RBM46: variants seen among roughly 807,000 people sequenced by gnomAD.
RBM46 encodes the protein RNA binding motif protein 46.
Under a neutral mutation model 43.3 loss-of-function variants are expected in RBM46, and 12 were observed. The observed-to-expected ratio is 0.28, with a 90% CI of 0.18 to 0.45. RBM46 has a LOEUF of 0.45. Ranked by LOEUF, RBM46 falls within the 20% of genes least tolerant of loss-of-function variation. The pLI is 1.00. For synonymous variants in RBM46, 205 were observed against 207.6 expected (o/e 0.99, Z 0.11); for missense variants, 412 against 639.1 (o/e 0.64, Z 3.83).
chr4:154,812,649 G>C (rs1015796038), intron 4 of RBM46, among the ~76,000 whole-genome samples: 10 of 152,132 alleles, frequency 6.6e-5, no homozygotes. Context: ...GTCCGAATAG[G>C]TTTATGCTTT....
intron 1 of RBM46, among the ~76,000 whole-genome samples, chr4:154,792,305 A>G (rs1206796049): frequency 6.6e-6 from 1 of 152,230 alleles, no homozygotes; most frequent in Non-Finnish European, 1.5e-5. Context: ...GTGGTATTTA[A>G]TATGCTAAAT....
chr4:154,781,637 C>T (rs1311958123), intron 1 of RBM46: 2 of 152,330 alleles, frequency 1.3e-5, no homozygotes, highest in Non-Finnish European at 2.9e-5. Context: ...AGCATCCGGC[C>T]AGAAGGCGCC....
chr4:154,802,688 G>A (rs1362170942), intron 4 of RBM46, among the ~76,000 whole-genome samples: 2 of 152,104 alleles, frequency 1.3e-5, no homozygotes, highest in African/African-American at 4.8e-5. Flanking sequence ...TACCTATTAA[G>A]TCATCTTTTG....
chr4:154,813,731 G>A (rs1001387535), intron 4 of RBM46, among the ~76,000 whole-genome samples: 1 of 151,852 alleles, frequency 6.6e-6, no homozygotes, highest in African/African-American at 2.4e-5. Flanking sequence ...CTGAGAAGAT[G>A]GTGGTGTTCC....
At chr4:154,796,385 G>A (rs1353266541) in intron 1 of RBM46, among the ~76,000 whole-genome samples, 1 of 152,158 alleles carries the variant, frequency 6.6e-6, no homozygotes, top group Non-Finnish European at 1.5e-5. Flanking sequence ...ATGTAGATTG[G>A]CAGGTATATT....
intron 1 of RBM46, among the ~76,000 whole-genome samples, chr4:154,784,962 ATTC>A (rs1318656834): frequency 2.6e-5 from 4 of 152,184 alleles, no homozygotes; most frequent in African/African-American, 9.7e-5. Flanking sequence ...TTCTCTGGCT[ATTC>A]TTGAATTTTG....
chr4:154,793,675 T>C (rs78577563), intron 1 of RBM46, among the ~76,000 whole-genome samples: 5,220 of 152,296 alleles, frequency 0.034, 290 homozygotes, highest in African/African-American at 0.12. Context: ...CTTTCATAGC[T>C]GTTTGACAAA....
At chr4:154,785,568 A>G (rs1396870886) in intron 1 of RBM46, among the ~76,000 whole-genome samples, 4 of 152,158 alleles carry the variant, frequency 2.6e-5, no homozygotes, top group African/African-American at 9.7e-5. Flanking sequence ...TTTAATGGCA[A>G]AAACTTTTGC....
intron 4 of RBM46, among the ~76,000 whole-genome samples, chr4:154,820,029 G>C (rs1000521680): frequency 2.6e-5 from 4 of 151,974 alleles, no homozygotes; most frequent in African/African-American, 9.7e-5. Context: ...ATCAGAAATT[G>C]GGTGATCTCA....
intron 1 of RBM46, among the ~76,000 whole-genome samples, chr4:154,789,259 T>C (rs1471886167): frequency 6.6e-6 from 1 of 152,202 alleles, no homozygotes; most frequent in Non-Finnish European, 1.5e-5. Flanking sequence ...GTGCCAGTTT[T>C]CAAAGGGAAT....
At chr4:154,796,165 T>C (rs1047435652) in intron 1 of RBM46, among the ~76,000 whole-genome samples, 3 of 152,096 alleles carry the variant, frequency 2.0e-5, no homozygotes, top group African/African-American at 7.2e-5. Flanking sequence ...AGACTCTGTC[T>C]CAAAAAATGA....
chr4:154,816,552 A>G (rs1412556842), intron 4 of RBM46, among the ~76,000 whole-genome samples: 2 of 152,078 alleles, frequency 1.3e-5, no homozygotes, highest in Non-Finnish European at 2.9e-5. Flanking sequence ...AAAACGATTT[A>G]TTTTTTAATA....
chr4:154,799,297 A>G lies in RBM46; in HGVS notation c.1135A>G (p.Thr379Ala). The change falls in exon 4 of 5, where the codon ACT becomes GCT. Residue 379 changes from threonine (T) to alanine (A), a missense_variant. Transcript: ENST00000281722. Reference protein sequence around the residue: ...TYPFYPGTKLTPISMYSLKSN... With the variant: ...TYPFYPGTKLAPISMYSLKSN... ...CCCTTTTTATCCTGGAACAAAGCTT[A>G]CTCCAATTAGTATGTATTCTTTAAA... is the stretch of plus-strand genomic sequence containing the variant. 2 of 1,614,134 alleles carry G rather than the reference A, an allele frequency of 1.2e-6. No homozygotes were observed. The highest frequency in any genetic ancestry group is 1.7e-6 in the Non-Finnish European group (2 of 1,180,030).
rs550387818 is a variant in RBM46, at chr4:154,816,035, A to G, written c.1403-11833A>G. ...ACCTTAATGTAAATCAAGTATGTGTATATACACTGCCTTCTAATATACACA... is the reference window on the plus strand; with the variant it reads ...ACCTTAATGTAAATCAAGTATGTGTGTATACACTGCCTTCTAATATACACA... On this transcript the variant is annotated intron_variant, in intron 4 of 4. Transcript: ENST00000281722. Among the ~76,000 whole-genome samples, 8 of 152,262 alleles carry G rather than the reference A, an allele frequency of 5.3e-5. No homozygotes were observed. In the South Asian group the frequency reaches 1.7e-3, roughly 32 times the overall value.
chr4:154,823,421 CAGAG>C (rs1322743560), intron 4 of RBM46, among the ~76,000 whole-genome samples: 1 of 151,600 alleles, frequency 6.6e-6, no homozygotes, highest in Non-Finnish European at 1.5e-5. Flanking sequence ...ACATAGCTAA[CAGAG>C]AAGAAAGAAA....
chr4:154,783,936 G>A (rs571755539), intron 1 of RBM46, among the ~76,000 whole-genome samples: 4 of 152,238 alleles, frequency 2.6e-5, no homozygotes, highest in Non-Finnish European at 4.4e-5. Context: ...AGAACGAGAA[G>A]TGTAGTGGCT....
At chr4:154,827,600 T>A in intron 4 of RBM46, 1 of 1,187,508 alleles carries the variant, frequency 8.4e-7, no homozygotes. Flanking sequence ...TAATCAAAAC[T>A]CCAAGAAATA....
intron 1 of RBM46, among the ~76,000 whole-genome samples, chr4:154,786,182 G>A (rs1309946926): frequency 1.3e-5 from 2 of 152,142 alleles, no homozygotes; most frequent in African/African-American, 4.8e-5. Context: ...CACCTCCTAG[G>A]TTCAAGCAAT....
intron 4 of RBM46, among the ~76,000 whole-genome samples, chr4:154,818,530 A>G (rs2111202007): frequency 1.3e-5 from 2 of 152,032 alleles, no homozygotes; most frequent in Admixed American, 1.3e-4. Flanking sequence ...TTTATCTATG[A>G]TTTTCAGAAG....
Sources: allele counts gnomAD v4.1 joint callset (sites outside exome capture counted in the v4.1 genomes callset), GRCh38; gene constraint gnomAD v4.1.1; transcripts MANE v1.5; gene names NCBI Gene and HGNC (gene_info 2026-07-23, HGNC 2026-07-21).